GPD2: variants seen among roughly 807,000 people sequenced by gnomAD.
The protein encoded by GPD2 is glycerol-3-phosphate dehydrogenase 2, also known as glycerol-3-phosphate dehydrogenase, mitochondrial.
Under a neutral mutation model 82.4 loss-of-function variants are expected in GPD2, and 54 were observed. The observed-to-expected ratio is 0.66, with a 90% CI of 0.53 to 0.82. The LOEUF (loss-of-function observed/expected upper bound fraction) is 0.82. GPD2 is among the 40% of genes least tolerant of loss of function. GPD2 has a pLI of 0.00. For missense variants in GPD2, 748 were observed against 896.2 expected (o/e 0.83, Z 2.11); for synonymous variants, 288 against 306.1 (o/e 0.94, Z 0.62).
intron 1 of GPD2, among the ~76,000 whole-genome samples, chr2:156,449,923 G>A (rs1373587116): frequency 2.0e-5 from 3 of 151,972 alleles, no homozygotes; most frequent in Non-Finnish European, 4.4e-5. Context: ...GCTGAGGCAG[G>A]AGCCTTGAAC....
intron 8 of GPD2, among the ~76,000 whole-genome samples, chr2:156,554,782 A>G (rs574244421): frequency 6.6e-6 from 1 of 152,306 alleles, no homozygotes; most frequent in South Asian, 2.1e-4. Flanking sequence ...TACTGACAAG[A>G]GGTCAATTTT....
chr2:156,409,181 A>C, the GPD2 span, among the ~76,000 whole-genome samples: 1 of 152,204 alleles, frequency 6.6e-6, no homozygotes, highest in Non-Finnish European at 1.5e-5. Context: ...TCCAAAACTG[A>C]GACAATAAAT....
intron 2 of GPD2, among the ~76,000 whole-genome samples, chr2:156,483,987 CTTTTTTTT>C (rs10610989): frequency 8.7e-5 from 8 of 92,294 alleles, no homozygotes; most frequent in African/African-American, 3.1e-4. Flanking sequence ...TGCTTGCTTG[CTTTTTTTT>C]TTTTTTTTTT....
At chr2:156,425,653 C>T in the GPD2 span, among the ~76,000 whole-genome samples, 1 of 152,090 alleles carries the variant, frequency 6.6e-6, no homozygotes, top group Admixed American at 6.5e-5. Flanking sequence ...TTCTGGTTTT[C>T]CTAGCTGGTC....
At chr2:156,573,962 A>T (rs1450876554) in intron 13 of GPD2, among the ~76,000 whole-genome samples, 1 of 152,240 alleles carries the variant, frequency 6.6e-6, no homozygotes, top group Non-Finnish European at 1.5e-5. Context: ...AGTGACTTGT[A>T]TACTGAACAT....
the GPD2 span, among the ~76,000 whole-genome samples, chr2:156,402,114 G>A: frequency 6.6e-6 from 1 of 152,232 alleles, no homozygotes; most frequent in Non-Finnish European, 1.5e-5. Context: ...GCTGAGGCTC[G>A]TAGAGGCAAG....
chr2:156,530,897 T>C (rs1033030895), intron 6 of GPD2, among the ~76,000 whole-genome samples: 1 of 152,180 alleles, frequency 6.6e-6, no homozygotes, highest in African/African-American at 2.4e-5. Context: ...TCACTTTGTT[T>C]CCTGGGCTGG....
At chr2:156,460,491 G>T (rs959202750) in intron 1 of GPD2, among the ~76,000 whole-genome samples, 1 of 152,200 alleles carries the variant, frequency 6.6e-6, no homozygotes, top group African/African-American at 2.4e-5. Context: ...TTGCCTGTTG[G>T]AAATTTATAC....
At chr2:156,492,952 G>A (rs1445854668) in intron 2 of GPD2, among the ~76,000 whole-genome samples, 1 of 152,188 alleles carries the variant, frequency 6.6e-6, no homozygotes. Flanking sequence ...CCAAATGGAG[G>A]TCTCAAGTAG....
the GPD2 span, among the ~76,000 whole-genome samples, chr2:156,406,043 C>T: frequency 4.7e-4 from 71 of 150,684 alleles, no homozygotes; most frequent in African/African-American, 1.7e-3. Flanking sequence ...CAAAGCAATG[C>T]CTTTTTTTTT....
rs2116665 is a variant in GPD2 at position 156,549,737 on chromosome 2, G to A, written c.791G>A (p.Arg264His). The change falls in exon 7 of 17, where the codon CGT becomes CAT. Residue 264 changes from arginine to histidine, a missense_variant. This residue lies in a region of GPD2 where 692 missense variants were observed against 809.7 expected (regional missense o/e 0.85). Coordinates refer to ENST00000438166, the MANE Select transcript of GPD2 (RefSeq NM_000408.5). ...KKTDPQTGKVRVSGARCKDVL... is the reference protein window; with the variant it reads ...KKTDPQTGKVHVSGARCKDVL... ...ACAGACCCCCAGACAGGGAAAGTGC[G>A]TGTGAGCGGCGCACGGTGCAAGGAT... 1,119,269 of 1,612,688 alleles carry A rather than the reference G, an allele frequency of 0.69. 391,350 individuals carry two copies. The highest frequency in any genetic ancestry group is 0.8 in the East Asian group (35,786 of 44,842).
intron 16 of GPD2, among the ~76,000 whole-genome samples, chr2:156,580,109 G>A (rs1687976604): frequency 6.6e-6 from 1 of 152,148 alleles, no homozygotes; most frequent in African/African-American, 2.4e-5. Context: ...ATCAATGCTG[G>A]ACCTTTTTCT....
chr2:156,548,871 A>G (rs1450354675), intron 6 of GPD2, among the ~76,000 whole-genome samples: 1 of 152,168 alleles, frequency 6.6e-6, no homozygotes, highest in African/African-American at 2.4e-5. Context: ...GCAATAATAA[A>G]TAGAAAAAGT....
intron 13 of GPD2, among the ~76,000 whole-genome samples, chr2:156,576,039 T>A (rs1432106739): frequency 6.6e-6 from 1 of 152,164 alleles, no homozygotes; most frequent in Non-Finnish European, 1.5e-5. Flanking sequence ...TTAATAGAGA[T>A]AAATGGCAAA....
intron 16 of GPD2, 89 bp downstream of exon 16, chr2:156,579,877 G>A (rs1687967060): frequency 2.7e-6 from 2 of 745,316 alleles, no homozygotes; most frequent in South Asian, 2.9e-5. Context: ...GGATATTTAA[G>A]TCCACACAAT....
intron 12 of GPD2, 29 bp from the exon 13 acceptor site, chr2:156,571,105 C>T (rs1687595463): frequency 7.1e-7 from 1 of 1,415,740 alleles, no homozygotes. Context: ...AGAGTCTCAA[C>T]TAATAATTTT....
chr2:156,577,318 T>C (rs910168260), intron 13 of GPD2, among the ~76,000 whole-genome samples: 2 of 151,924 alleles, frequency 1.3e-5, no homozygotes, highest in African/African-American at 4.8e-5. Flanking sequence ...AGACCCCATC[T>C]CTACAAATAA....
the GPD2 span, among the ~76,000 whole-genome samples, chr2:156,420,374 T>C: frequency 4.6e-5 from 7 of 152,138 alleles, no homozygotes; most frequent in African/African-American, 1.7e-4. Context: ...GGTTTCACTC[T>C]GTTAGCCAGG....
intron 1 of GPD2, among the ~76,000 whole-genome samples, chr2:156,453,494 G>T (rs911607195): frequency 4.6e-5 from 7 of 152,306 alleles, no homozygotes; most frequent in African/African-American, 7.2e-5. Context: ...GATATAAATA[G>T]TGGGGATGCC....
Sources: gnomAD v4.1 joint callset for allele counts (sites outside exome capture counted in the v4.1 genomes callset) on GRCh38, gnomAD v4.1.1 for gene constraint, gnomAD v4.1.1 regional missense constraint, MANE v1.5 for transcripts, NCBI Gene and HGNC (gene_info 2026-07-23, HGNC 2026-07-21) for gene names.